GALK2: variants seen among roughly 807,000 people sequenced by gnomAD.
GALK2 encodes the protein N-acetylgalactosamine kinase.
A neutral mutation model predicts 52.4 loss-of-function variants in GALK2; 36 were observed. The ratio of observed to expected loss-of-function variants is 0.69; its 90% confidence interval spans 0.53 to 0.91. The LOEUF (loss-of-function observed/expected upper bound fraction) is 0.91. Among genes scored for constraint, GALK2 ranks in the 40% least tolerant of loss-of-function variants. GALK2 has a pLI of 0.00. For synonymous variants in GALK2, 176 were observed against 199.1 expected, an observed-to-expected ratio of 0.88 and a Z score of 0.98; for missense variants, 579 against 559.1, an observed-to-expected ratio of 1.04 and a Z score of -0.36.
At chr15:49,354,787 G>C (rs1415276310) in intron 3 of GALK2, among the ~76,000 whole-genome samples, 2 of 151,982 alleles carry the variant, frequency 1.3e-5, no homozygotes, top group African/African-American at 2.4e-5. Flanking sequence ...TCTGGGGGCA[G>C]GGCACAGACA....
chr15:49,290,792 C>T (rs574461488), intron 7 of GALK2, among the ~76,000 whole-genome samples: 6 of 152,196 alleles, frequency 3.9e-5, no homozygotes, highest in South Asian at 2.1e-4. Context: ...TTTTGAAATG[C>T]GTTTCTAAGA....
At chr15:49,234,132 G>A (rs1197900626) in intron 3 of GALK2, among the ~76,000 whole-genome samples, 5 of 152,124 alleles carry the variant, frequency 3.3e-5, no homozygotes, top group Non-Finnish European at 7.4e-5. Context: ...GGGGAATTTT[G>A]CTTCATTTCC....
chr15:49,203,699 T>C (rs1005037600), intron 2 of GALK2, among the ~76,000 whole-genome samples: 1 of 152,234 alleles, frequency 6.6e-6, no homozygotes. Context: ...AATTCATTTT[T>C]ATAAATGGTG....
chr15:49,212,432 T>G (rs1330659079), intron 2 of GALK2, among the ~76,000 whole-genome samples: 3 of 152,040 alleles, frequency 2.0e-5, no homozygotes, highest in Non-Finnish European at 4.4e-5. Context: ...TTTTTTGATT[T>G]AGTTTATGTT....
At chr15:49,359,936 G>A (rs1469916007) in intron 3 of GALK2, among the ~76,000 whole-genome samples, 1 of 150,318 alleles carries the variant, frequency 6.7e-6, no homozygotes, top group African/African-American at 2.5e-5. Flanking sequence ...CATGTCCTTT[G>A]TATGGACATG....
intron 7 of GALK2, among the ~76,000 whole-genome samples, chr15:49,284,613 T>C (rs1026167705): frequency 2.6e-5 from 4 of 152,228 alleles, no homozygotes; most frequent in Non-Finnish European, 5.9e-5. Context: ...CTAAGACTTA[T>C]GATCAACCTT....
chr15:49,243,042 C>A (rs1241129843), intron 5 of GALK2, among the ~76,000 whole-genome samples: 1 of 152,152 alleles, frequency 6.6e-6, no homozygotes, highest in Non-Finnish European at 1.5e-5. Context: ...GAGCCAAGTG[C>A]CTGCGGAGGG....
intron 3 of GALK2, among the ~76,000 whole-genome samples, chr15:49,347,970 G>C (rs572876718): frequency 1.5e-5 from 2 of 131,492 alleles, no homozygotes; most frequent in Non-Finnish European, 3.1e-5. Flanking sequence ...AGTGAGCTGA[G>C]ATTGCACCAT....
chr15:49,322,388 G>C (rs564486891), intron 9 of GALK2, among the ~76,000 whole-genome samples: 4 of 152,306 alleles, frequency 2.6e-5, no homozygotes, highest in Non-Finnish European at 4.4e-5. Context: ...CTTCTGGCTT[G>C]TTGGCCAGAA....
chr15:49,262,048 G>C (rs1395259081), intron 5 of GALK2, among the ~76,000 whole-genome samples: 1 of 152,134 alleles, frequency 6.6e-6, no homozygotes, highest in Non-Finnish European at 1.5e-5. Flanking sequence ...TTGTGTCTCT[G>C]CCCGGCTTTG....
chr15:49,283,427 C>T lies in GALK2; in HGVS notation c.604-139C>T, dbSNP rs997880181. 8.6e-6 allele frequency: 6 copies of T among 696,046 alleles called. No homozygotes were observed. In the Admixed American group the frequency reaches 1.1e-4, roughly 13 times the overall value. The allele number at this position is 696,046 out of a possible 1,614,324, so 43.1% of individuals were successfully genotyped here. On this transcript the variant is annotated intron_variant, in intron 6 of 9. Transcript: ENST00000560031. Reference sequence around the variant, plus strand: ...ACTGTTGTATTTCCAGTGCCTAGTACAGCGCCTGGAGGTCAATAAGTAATA... The same window carrying T: ...ACTGTTGTATTTCCAGTGCCTAGTATAGCGCCTGGAGGTCAATAAGTAATA...
At chr15:49,334,714 G>A (rs189221681), downstream of GALK2, among the ~76,000 whole-genome samples, 1 of 152,212 alleles carries the variant, frequency 6.6e-6, no homozygotes, top group East Asian at 1.9e-4. Context: ...CATAACTGGT[G>A]GTCCTCCATT....
intron 6 of GALK2, among the ~76,000 whole-genome samples, chr15:49,282,512 C>G (rs2032846436): frequency 6.6e-6 from 1 of 152,110 alleles, no homozygotes; most frequent in African/African-American, 2.4e-5. Flanking sequence ...CACAGTCCCT[C>G]TTTTTATAAT....
At chr15:49,200,442 G>A (rs942780698) in intron 1 of GALK2, among the ~76,000 whole-genome samples, 10 of 152,294 alleles carry the variant, frequency 6.6e-5, no homozygotes, top group African/African-American at 2.4e-4. Flanking sequence ...CTTTGCAAAT[G>A]TAATGAATTA....
chr15:49,210,742 A>G (rs1008879842), intron 2 of GALK2, among the ~76,000 whole-genome samples: 1 of 151,640 alleles, frequency 6.6e-6, no homozygotes, highest in Non-Finnish European at 1.5e-5. Context: ...TGCCTGGTCT[A>G]TTTTATTTTA....
chr15:49,318,958 T>G (rs189327969), intron 8 of GALK2: 1 of 449,432 alleles, frequency 2.2e-6, no homozygotes, highest in Non-Finnish European at 4.4e-6. Context: ...TTCTTTCTTT[T>G]TTTTTTTTTT....
intron 1 of GALK2, among the ~76,000 whole-genome samples, chr15:49,196,302 A>G (rs954965844): frequency 6.6e-6 from 1 of 152,106 alleles, no homozygotes; most frequent in Non-Finnish European, 1.5e-5. Context: ...TGTATCCCAT[A>G]TATTTTTTAT....
At chr15:49,277,937 C>T (rs1643405991) in intron 5 of GALK2, among the ~76,000 whole-genome samples, 2 of 152,224 alleles carry the variant, frequency 1.3e-5, no homozygotes, top group East Asian at 3.9e-4. Context: ...AGTAGAGACT[C>T]CCTGCCCCTG....
At chr15:49,294,627 A>G (rs1198553128) in intron 8 of GALK2, among the ~76,000 whole-genome samples, 1 of 152,154 alleles carries the variant, frequency 6.6e-6, no homozygotes, top group African/African-American at 2.4e-5. Flanking sequence ...GTGGACTGGA[A>G]ATTGTGCTAG....
Sources: allele counts gnomAD v4.1 joint callset (sites outside exome capture counted in the v4.1 genomes callset), GRCh38; gene constraint gnomAD v4.1.1; transcripts MANE v1.5; gene names NCBI Gene and HGNC (gene_info 2026-07-23, HGNC 2026-07-21).